Variants in MLLT3 observed in about 807,000 individuals in gnomAD.
The protein encoded by MLLT3 is protein AF-9.
A neutral mutation model predicts 53.2 loss-of-function variants in MLLT3; 4 were observed. The ratio of observed to expected loss-of-function variants is 0.08; its 90% confidence interval spans 0.04 to 0.17. MLLT3 has a LOEUF of 0.17. MLLT3 is among the 10% of genes least tolerant of loss of function. MLLT3 has a pLI of 1.00. For synonymous variants in MLLT3, 283 were observed against 230.6 expected (o/e 1.23, Z -2.06); for missense variants, 569 against 684.0 (o/e 0.83, Z 1.87).
intron 10 of MLLT3, among the ~76,000 whole-genome samples, chr9:20,347,587 A>T (rs1188597187): frequency 6.6e-6 from 1 of 152,184 alleles, no homozygotes; most frequent in Non-Finnish European, 1.5e-5. Context: ...TTTACCATGT[A>T]AAGTATCTTC....
intron 2 of MLLT3, among the ~76,000 whole-genome samples, chr9:20,521,646 G>C (rs910102404): frequency 6.6e-6 from 1 of 152,140 alleles, no homozygotes; most frequent in Non-Finnish European, 1.5e-5. Flanking sequence ...GACAATGTTG[G>C]ATATAGATGC....
intron 2 of MLLT3, among the ~76,000 whole-genome samples, chr9:20,529,842 C>A (rs1818287510): frequency 6.7e-6 from 1 of 149,942 alleles, no homozygotes; most frequent in Non-Finnish European, 1.5e-5. Flanking sequence ...AGCTGACAGG[C>A]ATGAGCCATG....
chr9:20,550,356 T>C (rs1393526371), intron 2 of MLLT3, among the ~76,000 whole-genome samples: 8 of 152,192 alleles, frequency 5.3e-5, no homozygotes, highest in Non-Finnish European at 1.0e-4. Context: ...CACCCTATTG[T>C]TCTTATTGTA....
chr9:20,453,781 G>C (rs1359128747), intron 3 of MLLT3, among the ~76,000 whole-genome samples: 1 of 151,950 alleles, frequency 6.6e-6, no homozygotes, highest in African/African-American at 2.4e-5. Context: ...ATCATTTTTT[G>C]AGATTTACTC....
chr9:20,610,944 C>T (rs1056888853), intron 2 of MLLT3, among the ~76,000 whole-genome samples: 2 of 152,096 alleles, frequency 1.3e-5, no homozygotes, highest in African/African-American at 4.8e-5. Flanking sequence ...CAGCCCAAAT[C>T]CCCCATGTTT....
chr9:20,551,666 C>T (rs1335214789), intron 2 of MLLT3, among the ~76,000 whole-genome samples: 2 of 152,180 alleles, frequency 1.3e-5, no homozygotes, highest in African/African-American at 4.8e-5. Flanking sequence ...CAAGGTGACA[C>T]AGTGCATGAC....
intron 2 of MLLT3, among the ~76,000 whole-genome samples, chr9:20,602,490 T>TA (rs895975621): frequency 1.3e-5 from 2 of 152,090 alleles, no homozygotes; most frequent in Non-Finnish European, 2.9e-5. Context: ...ACATGGCTTA[T>TA]AAAAAAATCT....
At position 20,342,303 on chromosome 9, in the gene MLLT3, A is replaced by G. The variant is rs911388879; in HGVS notation, c.*4140T>C. The G allele has an allele frequency of 4.5e-6, 1 of 224,602 alleles. No homozygotes were observed. Among genetic ancestry groups the G allele is most frequent in the Non-Finnish European group, 8.9e-6 (1 of 112,836 alleles). The allele number at this position is 224,602 out of a possible 1,614,324, so 13.9% of individuals were successfully genotyped here. On this transcript the variant is annotated 3_prime_UTR_variant, in exon 11 of 11. Coordinates refer to ENST00000380338, the MANE Select transcript of MLLT3 (RefSeq NM_004529.4). The stretch of plus-strand genomic sequence containing the variant: ...TTTAGAGAAGGGAAATACATCTTAC[A>G]GTGTGCCTTGAATTCACACAAAAGC...
chr9:20,519,878 T>C (rs540432099), intron 2 of MLLT3, among the ~76,000 whole-genome samples: 3 of 152,160 alleles, frequency 2.0e-5, no homozygotes, highest in Non-Finnish European at 4.4e-5. Context: ...AATCATTCTA[T>C]TATAAAGACA....
intron 2 of MLLT3, among the ~76,000 whole-genome samples, chr9:20,499,052 C>T (rs972091496): frequency 1.3e-5 from 2 of 152,196 alleles, no homozygotes; most frequent in African/African-American, 4.8e-5. Context: ...ACTCTCCTAG[C>T]TTCTGGAGGT....
intron 2 of MLLT3, among the ~76,000 whole-genome samples, chr9:20,539,203 T>C (rs998673281): frequency 4.6e-5 from 7 of 152,240 alleles, no homozygotes; most frequent in Admixed American, 3.3e-4. Context: ...TGCTGTTTGA[T>C]AGCATTTTAC....
rs546413877 is a variant in MLLT3, at chr9:20,471,237, T to G, written c.194-14451A>C. ...AAAGTATTTTTTTCTTTTTGCTTAT[T>G]TGGATCTTCTCATTTTTCTACAAAA... On this transcript the variant is annotated intron_variant, in intron 2 of 10. Coordinates refer to ENST00000380338, the MANE Select transcript of MLLT3 (RefSeq NM_004529.4). Among the ~76,000 whole-genome samples the G allele has an allele frequency of 2.6e-5, 4 of 152,196 alleles. No homozygotes were observed. The South Asian group carries it at 8.3e-4, about 31-fold the overall frequency.
chr9:20,353,566 T>G lies in MLLT3; in HGVS notation c.1534A>C (p.Arg512=), dbSNP rs749363937. Residue 512 remains arginine, a synonymous_variant, in exon 10 of 11, where the codon AGA becomes CGA. Coordinates refer to ENST00000380338, the MANE Select transcript of MLLT3 (RefSeq NM_004529.4). ...CTTTCTCTCAATGTCATTAACCTTC[T>G]GTGAAGCTCTACCAGTTCATCTAGG... ...AYLDELVELH[R]RLMTLRERHI... The G allele has an allele frequency of 7.3e-5, 118 of 1,614,026 alleles. No individual in the cohort carries two copies. The highest frequency in any genetic ancestry group is 1.3e-4 in the Admixed American group (8 of 60,006).
At chr9:20,415,347 A>G in intron 4 of MLLT3, 1 of 425,068 alleles carries the variant, frequency 2.4e-6, no homozygotes, top group Non-Finnish European at 3.2e-6. Flanking sequence ...TTTAAATATG[A>G]TCAATTTTTC....
intron 2 of MLLT3, among the ~76,000 whole-genome samples, chr9:20,557,047 TTAAC>T (rs1819077511): frequency 6.6e-6 from 1 of 152,130 alleles, no homozygotes; most frequent in Non-Finnish European, 1.5e-5. Context: ...GTTCCAGTCT[TTAAC>T]TAACAACAGC....
intron 8 of MLLT3, among the ~76,000 whole-genome samples, chr9:20,357,616 G>T (rs1007785415): frequency 7.2e-5 from 11 of 152,202 alleles, no homozygotes; most frequent in Non-Finnish European, 1.0e-4. Context: ...ACTAATGACA[G>T]TAGCTCCCAA....
chr9:20,527,235 A>G (rs1435923083), intron 2 of MLLT3, among the ~76,000 whole-genome samples: 1 of 152,200 alleles, frequency 6.6e-6, no homozygotes, highest in African/African-American at 2.4e-5. Context: ...GTGAACCATC[A>G]AGAAATTTAA....
At chr9:20,473,948 A>G (rs564793091) in intron 2 of MLLT3, among the ~76,000 whole-genome samples, 108 of 152,240 alleles carry the variant, frequency 7.1e-4, no homozygotes, top group African/African-American at 2.4e-3. Context: ...CTGTTCCTAG[A>G]AGGCCAGAGT....
intron 5 of MLLT3, chr9:20,382,556 T>G (rs1231033583): frequency 6.6e-6 from 1 of 151,860 alleles, no homozygotes; most frequent in East Asian, 1.9e-4. Flanking sequence ...AGCAAACACA[T>G]GGTCATGACT....
Sources: gnomAD v4.1 joint callset for allele counts (sites outside exome capture counted in the v4.1 genomes callset) on GRCh38, gnomAD v4.1.1 for gene constraint, MANE v1.5 for transcripts, NCBI Gene and HGNC (gene_info 2026-07-23, HGNC 2026-07-21) for gene names.